Variants in PCDH11X observed in about 807,000 individuals in gnomAD.
The protein encoded by PCDH11X is protocadherin-11 X-linked.
PCDH11X carries 18 observed loss-of-function variants against 53.3 expected under a neutral mutation model. The observed-to-expected ratio is 0.34, with a 90% confidence interval of 0.23 to 0.50. The LOEUF (loss-of-function observed/expected upper bound fraction) is 0.50. Among genes scored for constraint, PCDH11X ranks in the 20% least tolerant of loss-of-function variants. The probability of loss-of-function intolerance (pLI) is 0.98; values close to 1 mark genes in which losing one functional copy is unlikely to be tolerated. For missense variants in PCDH11X, 570 were observed against 1,032.4 expected (o/e 0.55, Z 6.14); for synonymous variants, 279 against 393.3 (o/e 0.71, Z 3.44).
At chrX:92,104,531 G>A (rs866935679) in intron 6 of PCDH11X, among the ~76,000 whole-genome samples, 3 of 111,209 alleles carry the variant, frequency 2.7e-5, no homozygotes, top group African/African-American at 9.8e-5. Context: ...TGAAAGTGCC[G>A]TTTTCTGGCT....
At chrX:92,205,787 G>A (rs2066466354) in intron 7 of PCDH11X, among the ~76,000 whole-genome samples, 1 of 109,886 alleles carries the variant, frequency 9.1e-6, no homozygotes, top group Non-Finnish European at 1.9e-5. Context: ...TTTTAGTAGC[G>A]ACGGTGTTTC....
intron 6 of PCDH11X, among the ~76,000 whole-genome samples, chrX:91,940,340 C>G (rs1262922590): frequency 9.0e-6 from 1 of 111,237 alleles, no homozygotes. Flanking sequence ...AACGCAAGAA[C>G]AGCCTTAACA....
At chrX:92,505,309 C>A (rs1156871618) in intron 10 of PCDH11X, among the ~76,000 whole-genome samples, 2 of 97,820 alleles carry the variant, frequency 2.0e-5, no homozygotes, top group African/African-American at 7.6e-5. Flanking sequence ...CTTAGGTTAT[C>A]TTCCAGAGCT....
intron 6 of PCDH11X, among the ~76,000 whole-genome samples, chrX:91,968,663 T>G (rs780643231): frequency 2.7e-5 from 3 of 112,043 alleles, no homozygotes; most frequent in African/African-American, 9.7e-5. Context: ...CAGAATGACC[T>G]GATGACATGA....
intron 5 of PCDH11X, among the ~76,000 whole-genome samples, chrX:91,845,880 G>C (rs1937626537): frequency 9.1e-6 from 1 of 109,605 alleles, no homozygotes; most frequent in African/African-American, 3.3e-5. Context: ...TTAGCTCTTA[G>C]AAATTGGATT....
At chrX:92,140,954 CTATA>C (rs1250483403) in intron 6 of PCDH11X, among the ~76,000 whole-genome samples, 80 of 111,520 alleles carry the variant, frequency 7.2e-4, no homozygotes, top group African/African-American at 2.5e-3. Context: ...ATAAAAATAT[CTATA>C]TAAGTGTTAT....
intron 8 of PCDH11X, among the ~76,000 whole-genome samples, chrX:92,352,236 G>A (rs2070069664): frequency 9.0e-6 from 1 of 111,507 alleles, no homozygotes; most frequent in Non-Finnish European, 1.9e-5. Context: ...TAGAGAAAAG[G>A]GATATTAGAA....
chrX:92,112,331 TAA>T (rs72029186), intron 6 of PCDH11X, among the ~76,000 whole-genome samples: 10,613 of 88,946 alleles, frequency 0.12, 762 homozygotes, highest in East Asian at 0.45. Context: ...GATGTTCTGG[TAA>T]AAAAAAAAAA....
At chrX:92,204,920 C>T (rs751350532) in intron 7 of PCDH11X, among the ~76,000 whole-genome samples, 146 of 111,409 alleles carry the variant, frequency 1.3e-3, no homozygotes, top group African/African-American at 4.4e-3. Flanking sequence ...CCTTATAAAA[C>T]CATCAGATCT....
chrX:92,239,854 A>G (rs2067234145), intron 7 of PCDH11X, among the ~76,000 whole-genome samples: 1 of 112,176 alleles, frequency 8.9e-6, no homozygotes, highest in Non-Finnish European at 1.9e-5. Flanking sequence ...TGCTTATTAC[A>G]GCTGTGAAGA....
chrX:92,226,232 A>C (rs1315137201), intron 7 of PCDH11X, among the ~76,000 whole-genome samples: 1 of 112,239 alleles, frequency 8.9e-6, no homozygotes, highest in Non-Finnish European at 1.9e-5. Flanking sequence ...GGTAACCTTC[A>C]GAATGAAGAT....
chrX:92,396,073 A>C (rs2071239198), intron 9 of PCDH11X, among the ~76,000 whole-genome samples: 1 of 104,900 alleles, frequency 9.5e-6, no homozygotes, highest in African/African-American at 3.5e-5. Context: ...AACTGTAAAC[A>C]TGCTGAATGA....
chrX:92,100,782 G>A (rs1446942945), intron 6 of PCDH11X, among the ~76,000 whole-genome samples: 1 of 110,599 alleles, frequency 9.0e-6, no homozygotes, highest in Non-Finnish European at 1.9e-5. Flanking sequence ...GAGAGAGAAT[G>A]GACGATGTTT....
chrX:92,192,367 G>A (rs1181565632), intron 6 of PCDH11X, among the ~76,000 whole-genome samples: 2 of 111,399 alleles, frequency 1.8e-5, no homozygotes, highest in Non-Finnish European at 3.8e-5. Flanking sequence ...TTTTTGAGAT[G>A]GAGTCTCGCT....
At chrX:91,804,784 C>G (rs1460477817) in intron 1 of PCDH11X, among the ~76,000 whole-genome samples, 1 of 110,696 alleles carries the variant, frequency 9.0e-6, no homozygotes, top group Non-Finnish European at 1.9e-5. Context: ...AAAAGACAGC[C>G]AAATAAATAT....
intron 7 of PCDH11X, among the ~76,000 whole-genome samples, chrX:92,237,091 T>A (rs1003398437): frequency 9.0e-6 from 1 of 111,427 alleles, no homozygotes; most frequent in African/African-American, 3.2e-5. Context: ...TGCAGGAGAA[T>A]TCTTCATTTT....
chrX:92,525,306 C>T (rs1171169477), intron 10 of PCDH11X, among the ~76,000 whole-genome samples: 1 of 111,222 alleles, frequency 9.0e-6, no homozygotes, highest in Non-Finnish European at 1.9e-5. Context: ...AAAAGTGATA[C>T]TGCATGAAAT....
chrX:92,420,949 C>T (rs1251627338), intron 9 of PCDH11X, among the ~76,000 whole-genome samples: 1 of 111,017 alleles, frequency 9.0e-6, no homozygotes, highest in Non-Finnish European at 1.9e-5. Flanking sequence ...TGAGATTTTC[C>T]CACTGTTTCC....
intron 6 of PCDH11X, among the ~76,000 whole-genome samples, chrX:92,034,663 A>T (rs1358099420): frequency 9.1e-6 from 1 of 110,239 alleles, no homozygotes; most frequent in Non-Finnish European, 1.9e-5. Context: ...ATTGTAATCA[A>T]CACATCATTG....
Sources: gnomAD v4.1 joint callset for allele counts (sites outside exome capture counted in the v4.1 genomes callset) on GRCh38, gnomAD v4.1.1 for gene constraint, MANE v1.5 for transcripts, NCBI Gene and HGNC (gene_info 2026-07-23, HGNC 2026-07-21) for gene names.